CDCP1: variants seen among roughly 807,000 people sequenced by gnomAD.
The protein encoded by CDCP1 is CUB domain-containing protein 1.
A neutral mutation model predicts 60.2 loss-of-function variants in CDCP1; 29 were observed. The observed-to-expected ratio is 0.48, with a 90% confidence interval of 0.36 to 0.66. The LOEUF is 0.66. CDCP1 is among the 30% of genes least tolerant of loss of function. The pLI is 0.00. For synonymous variants in CDCP1, 387 were observed against 431.1 expected, an observed-to-expected ratio of 0.90 and a Z score of 1.27; for missense variants, 876 against 1,074.3, an observed-to-expected ratio of 0.82 and a Z score of 2.58.
At chr3:45,108,149 G>C (rs1274437926) in intron 4 of CDCP1, among the ~76,000 whole-genome samples, 1 of 151,904 alleles carries the variant, frequency 6.6e-6, no homozygotes, top group Non-Finnish European at 1.5e-5. Flanking sequence ...AAAAAGAATG[G>C]GTCAGACAAA....
At chr3:45,132,099 G>A (rs1252725403) in intron 1 of CDCP1, among the ~76,000 whole-genome samples, 8 of 152,026 alleles carry the variant, frequency 5.3e-5, no homozygotes, top group East Asian at 1.9e-4. Context: ...TAGCAGGCGT[G>A]GTGGCACATG....
At chr3:45,119,714 C>T (rs548233935) in intron 1 of CDCP1, among the ~76,000 whole-genome samples, 1 of 152,294 alleles carries the variant, frequency 6.6e-6, no homozygotes, top group South Asian at 2.1e-4. Context: ...AAAAAATCAA[C>T]CTTATTGACA....
chr3:45,088,062 CA>C (rs1383282144), intron 8 of CDCP1, among the ~76,000 whole-genome samples: 1 of 151,924 alleles, frequency 6.6e-6, no homozygotes, highest in Non-Finnish European at 1.5e-5. Context: ...TTTGGAAGGT[CA>C]AACCATGTTA....
At chr3:45,097,080 G>A (rs1698412455) in intron 4 of CDCP1, among the ~76,000 whole-genome samples, 1 of 152,120 alleles carries the variant, frequency 6.6e-6, no homozygotes, top group Non-Finnish European at 1.5e-5. Context: ...GGCTGAGGCG[G>A]GTGGATCACT....
chr3:45,139,335 C>G (rs1699243520), intron 1 of CDCP1: 2 of 152,292 alleles, frequency 1.3e-5, no homozygotes, highest in Non-Finnish European at 2.9e-5. Flanking sequence ...ACAGGTTAAG[C>G]AACTTGCCCA....
chr3:45,145,719 CT>C (rs1559405087), intron 1 of CDCP1, among the ~76,000 whole-genome samples: 1 of 152,140 alleles, frequency 6.6e-6, no homozygotes, highest in African/African-American at 2.4e-5. Flanking sequence ...CGTGAAAGCA[CT>C]TTTTTTGCAC....
rs1698893951 is a variant in CDCP1 at position 45,121,954 on chromosome 3, G to A, written c.83-3333C>T. On this transcript the variant is annotated intron_variant, in intron 1 of 8. Coordinates refer to ENST00000296129, the MANE Select transcript of CDCP1 (RefSeq NM_022842.5). ...AAAATATGGTTTAATAATATTTTGG[G>A]GGAAGCCTAGGTATATGTAATATTT... Among the ~76,000 whole-genome samples, 3 of 140,222 alleles carry A rather than the reference G, an allele frequency of 2.1e-5. No homozygotes were observed. The South Asian group carries it at 8.2e-4, about 38-fold the overall frequency. 92.0% of individuals were successfully genotyped at this position (140,222 alleles called of 152,430 possible). A position where few individuals can be genotyped will look rare whatever the true frequency, so the allele number is the denominator to read the frequency against.
At chr3:45,094,095 T>A (rs1243971254) in intron 5 of CDCP1, among the ~76,000 whole-genome samples, 1 of 152,142 alleles carries the variant, frequency 6.6e-6, no homozygotes, top group African/African-American at 2.4e-5. Context: ...TGCCACTTCC[T>A]AATAGGGTGT....
At chr3:45,095,263 C>T in intron 5 of CDCP1, 84 bp downstream of exon 5, 1 of 1,260,314 alleles carries the variant, frequency 7.9e-7, no homozygotes, top group Non-Finnish European at 1.1e-6. Context: ...GATTTACAAC[C>T]TACCCAGGGA....
At chr3:45,136,026 G>A (rs578016462) in intron 1 of CDCP1, among the ~76,000 whole-genome samples, 2 of 152,292 alleles carry the variant, frequency 1.3e-5, no homozygotes, top group East Asian at 3.9e-4. Flanking sequence ...CTTCCAGATG[G>A]TGAGTCCTTG....
Position 45,085,429 on chromosome 3 carries a change from T to C in CDCP1, c.*209A>G. On this transcript the variant is annotated 3_prime_UTR_variant, in exon 9 of 9. Transcript: ENST00000296129. This position sits in a 1 kb window ranked among gnomAD's most constrained non-coding sequence, Gnocchi z 4.2. ...AAGTTGAGGAGCACATGAGCTGTCA[T>C]GACTGTATCCAGATTGGAATTCATC... The C allele has an allele frequency of 1.7e-6, 1 of 581,326 alleles. No homozygotes were observed. The highest frequency in any genetic ancestry group is 3.0e-6 in the Non-Finnish European group (1 of 329,688). 36.0% of individuals were successfully genotyped at this position (581,326 alleles called of 1,614,324 possible).
chr3:45,091,097 C>T lies in CDCP1; in HGVS notation c.1993+76G>A, dbSNP rs772310009. 7 of 1,504,974 alleles carry T rather than the reference C, an allele frequency of 4.7e-6. No homozygotes were observed. Among genetic ancestry groups the T allele is most frequent in the Non-Finnish European group, 6.3e-6 (7 of 1,116,024 alleles). 93.2% of individuals were successfully genotyped at this position (1,504,974 alleles called of 1,614,324 possible). ...GACTCAATCTGTGATTCTGACTTGT[C>T]TCCAGGCTTGCTCTCTATCCTCCAG... On this transcript the variant is annotated intron_variant, in intron 7 of 8. Coordinates refer to ENST00000296129, the MANE Select transcript of CDCP1 (RefSeq NM_022842.5). This position sits in a 1 kb window ranked among gnomAD's most constrained non-coding sequence, Gnocchi z 4.8.
intron 1 of CDCP1, among the ~76,000 whole-genome samples, chr3:45,126,110 CTTTCTT>C (rs1196115733): frequency 1.4e-5 from 1 of 71,722 alleles, no homozygotes; most frequent in East Asian, 3.5e-4. Context: ...GTCTCTCTCT[CTTTCTT>C]TCTTTCTTTC....
chr3:45,144,825 G>T (rs536049759), intron 1 of CDCP1, among the ~76,000 whole-genome samples: 2 of 152,156 alleles, frequency 1.3e-5, no homozygotes, highest in East Asian at 3.9e-4. Context: ...AGGGAATCTT[G>T]GAAATTCAGT....
At chr3:45,096,298 C>T (rs1422206163) in intron 4 of CDCP1, among the ~76,000 whole-genome samples, 1 of 152,104 alleles carries the variant, frequency 6.6e-6, no homozygotes, top group African/African-American at 2.4e-5. Flanking sequence ...ACTATGGGGA[C>T]ATTCACCAAT....
At chr3:45,104,491 T>C (rs1698529778) in intron 4 of CDCP1, among the ~76,000 whole-genome samples, 1 of 152,226 alleles carries the variant, frequency 6.6e-6, no homozygotes, top group Non-Finnish European at 1.5e-5. Context: ...GTGTTTTAAA[T>C]GTAAAATTAC....
At chr3:45,130,003 C>T (rs1230854860) in intron 1 of CDCP1, among the ~76,000 whole-genome samples, 3 of 151,808 alleles carry the variant, frequency 2.0e-5, no homozygotes, top group African/African-American at 7.3e-5. Context: ...TTCTGCAGTA[C>T]TAGAATGTTC....
chr3:45,118,070 C>T (rs985314787), intron 2 of CDCP1, among the ~76,000 whole-genome samples: 2 of 152,206 alleles, frequency 1.3e-5, no homozygotes, highest in African/African-American at 2.4e-5. Flanking sequence ...TTCTGTAGTG[C>T]TGCCTGAAGA....
rs1698377180 is a variant in CDCP1, at chr3:45,095,202, G to C, written c.1246+145C>G. On this transcript the variant is annotated intron_variant, in intron 5 of 8. Transcript: ENST00000296129. ...ACCAGCCTTGGCCTCCCAAAGTGCT[G>C]GGATTACAGGCGTGAGCCATCGTGC... is the stretch of plus-strand genomic sequence containing the variant. 5 of 695,892 alleles carry C rather than the reference G, an allele frequency of 7.2e-6. No individual in the cohort carries two copies. The East Asian group carries it at 1.5e-4, about 20-fold the overall frequency. The allele number at this position is 695,892 out of a possible 1,614,324, so 43.1% of individuals were successfully genotyped here.
Sources: allele counts gnomAD v4.1 joint callset (sites outside exome capture counted in the v4.1 genomes callset), GRCh38; gene constraint gnomAD v4.1.1; non-coding constraint Gnocchi (gnomAD v3.1); transcripts MANE v1.5; gene names NCBI Gene and HGNC (gene_info 2026-07-23, HGNC 2026-07-21).